Variants in CLCA4 observed in about 807,000 individuals in gnomAD.
The protein encoded by CLCA4 is calcium-activated chloride channel regulator 4.
Under a neutral mutation model 78.9 loss-of-function variants are expected in CLCA4, and 69 were observed. The ratio of observed to expected loss-of-function variants is 0.87; its 90% CI spans 0.72 to 1.07. The LOEUF is 1.07. Among genes scored for constraint, CLCA4 ranks in the 50% least tolerant of loss-of-function variants. CLCA4 has a pLI of 0.00. For missense variants in CLCA4, 1,133 were observed against 1,095.8 expected (o/e 1.03, Z -0.48); for synonymous variants, 362 against 375.8 (o/e 0.96, Z 0.42).
intron 1 of CLCA4, among the ~76,000 whole-genome samples, chr1:86,551,389 A>G (rs1422111553): frequency 6.6e-6 from 1 of 152,176 alleles, no homozygotes; most frequent in Admixed American, 6.5e-5. Flanking sequence ...TGTATCCACA[A>G]AAGAAAACAA....
Position 86,579,955 on chromosome 1 carries a change from CATAAGA to C in CLCA4, c.2376_2381del (p.Arg792_Ile793del), listed in dbSNP as rs761293576. 4.6e-5 allele frequency: 73 copies of C among 1,582,468 alleles called. No homozygotes were observed. Among genetic ancestry groups the C allele is most frequent in the Non-Finnish European group, 5.6e-5 (65 of 1,163,286 alleles). ...TTTTTTTCTCAGTTCAACGTTATATCATAAGAATAAGTGCAAGTATTCTTGATCTAA... is the reference window on the plus strand; with the variant it reads ...TTTTTTTCTCAGTTCAACGTTATATCATAAGTGCAAGTATTCTTGATCTAA... On this transcript the variant is annotated inframe_deletion, in exon 14 of 14. Transcript: ENST00000370563.
intron 7 of CLCA4, 51 bp downstream of exon 7, chr1:86,567,702 T>A (rs374518813): frequency 2.1e-5 from 31 of 1,463,068 alleles, no homozygotes; most frequent in Non-Finnish European, 2.9e-5. Context: ...TTTCAGGACA[T>A]TTTCATGTTA....
chr1:86,562,651 G>A lies in CLCA4; in HGVS notation c.449-1010G>A, dbSNP rs1444488850. Reference sequence around the variant, plus strand: ...GGGCAGATCACGAGGTCAGGAGTTCGACACCAGCCTGGCCAACGTGGTGAA... The same window carrying A: ...GGGCAGATCACGAGGTCAGGAGTTCAACACCAGCCTGGCCAACGTGGTGAA... On this transcript the variant is annotated intron_variant, in intron 3 of 13. Transcript: ENST00000370563. Among the ~76,000 whole-genome samples the A allele has an allele frequency of 3.3e-5, 5 of 151,830 alleles. 1 individual carries two copies. The highest frequency in any genetic ancestry group is 7.4e-5 in the Non-Finnish European group (5 of 67,852).
intron 8 of CLCA4, among the ~76,000 whole-genome samples, chr1:86,572,271 A>G (rs1039277115): frequency 2.0e-5 from 3 of 152,082 alleles, no homozygotes; most frequent in Non-Finnish European, 4.4e-5. Flanking sequence ...TGGCTGAAAT[A>G]TCTGAAAGTC....
At position 86,559,970 on chromosome 1, in the gene CLCA4, C is replaced by T; in HGVS notation, c.198C>T (p.Ala66=). ...VTTASTYLFE[A]TEKRFFFKNV... ...CAGCTTCTACGTACCTGTTTGAAGC[C>T]ACAGAAAAAAGATTTTTTTTCAAAA... is the stretch of plus-strand genomic sequence containing the variant. Residue 66 remains alanine (A), a synonymous_variant, in exon 2 of 14, where the codon GCC becomes GCT. Coordinates refer to ENST00000370563, the MANE Select transcript of CLCA4 (RefSeq NM_012128.4). The T allele has an allele frequency of 6.2e-7, 1 of 1,603,782 alleles. No homozygotes were observed. The highest frequency in any genetic ancestry group is 1.3e-5 in the African/African-American group (1 of 74,338).
At position 86,574,620 on chromosome 1, in the gene CLCA4, CA is replaced by C; in HGVS notation, c.1549del (p.Thr517ArgfsTer23). The C allele has an allele frequency of 6.2e-7, 1 of 1,613,186 alleles. No homozygotes were observed. The highest frequency in any genetic ancestry group is 1.3e-5 in the African/African-American group (1 of 74,988). ...TAATTGATAGTACAGTGGGAAAGGA[CA>C]CGTTCTTTCTCATCACATGGAACAG... is the stretch of plus-strand genomic sequence containing the variant. ...VIIDSTVGKD[T>X]FFLITWNSLP... On this transcript the variant is annotated frameshift_variant, in exon 10 of 14. Coordinates refer to ENST00000370563, the MANE Select transcript of CLCA4 (RefSeq NM_012128.4). LOFTEE classifies it high-confidence loss of function.
chr1:86,568,561 A>C (rs1000372816), intron 7 of CLCA4, among the ~76,000 whole-genome samples: 5 of 151,782 alleles, frequency 3.3e-5, no homozygotes, highest in African/African-American at 1.2e-4. Context: ...TCTCAGTCTG[A>C]TATTACTAAA....
chr1:86,563,852 CT>C, intron 4 of CLCA4, 83 bp downstream of exon 4: 1 of 713,140 alleles, frequency 1.4e-6, no homozygotes. Flanking sequence ...CAAAATCATT[CT>C]TAATGCAGAC....
At chr1:86,558,830 G>A (rs1216944381) in intron 1 of CLCA4, among the ~76,000 whole-genome samples, 1 of 152,142 alleles carries the variant, frequency 6.6e-6, no homozygotes, top group Non-Finnish European at 1.5e-5. Context: ...TACAATTCAA[G>A]ATAAGATTTG....
At position 86,547,326 on chromosome 1, in the gene CLCA4, T is replaced by C. The variant is rs761833495; in HGVS notation, c.159+48T>C. On this transcript the variant is annotated intron_variant, in intron 1 of 13. Transcript: ENST00000370563. ...TTCATTAATTTTTAGTTTTTTACTA[T>C]TATTTTTAATTGACATATAATTGTA... The C allele has an allele frequency of 2.2e-6, 3 of 1,361,792 alleles. No homozygotes were observed. In the South Asian group the frequency reaches 4.5e-5, roughly 20 times the overall value. The allele number at this position is 1,361,792 out of a possible 1,614,324, so 84.4% of individuals were successfully genotyped here.
chr1:86,570,051 A>G (rs563765103), intron 7 of CLCA4, among the ~76,000 whole-genome samples: 2 of 152,174 alleles, frequency 1.3e-5, no homozygotes, highest in South Asian at 4.1e-4. Context: ...GTTTCAAGGC[A>G]TGTCAGAGAA....
chr1:86,567,481 G>T lies in CLCA4; in HGVS notation c.1012G>T (p.Val338Phe). 6.2e-7 allele frequency: 1 copy of T among 1,613,306 alleles called. No individual in the cohort carries two copies. Among genetic ancestry groups the T allele is most frequent in the Non-Finnish European group, 8.5e-7 (1 of 1,179,456 alleles). Residue 338 changes from valine (V) to phenylalanine (F), a missense_variant, in exon 7 of 14, where the codon GTT (valine) becomes TTT (phenylalanine). Coordinates refer to ENST00000370563, the MANE Select transcript of CLCA4 (RefSeq NM_012128.4). ...QAAKHFLLQT[V>F]ENGSWVGMVH... ...AGCAAAACATTTCCTGCTGCAGACT[G>T]TTGAAAATGGATCCTGGGTGGGGAT...
Position 86,579,364 on chromosome 1 carries a change from A to G in CLCA4, c.2133A>G (p.Glu711=). 6.2e-7 allele frequency: 1 copy of G among 1,612,902 alleles called. No homozygotes were observed. Among genetic ancestry groups the G allele is most frequent in the Non-Finnish European group, 8.5e-7 (1 of 1,179,270 alleles). The change falls in exon 13 of 14, where the codon GAA becomes GAG. Residue 711 remains glutamate (E), a synonymous_variant. Transcript: ENST00000370563. ...IPGWVVNGEI[E]ANPPRPEIDE... ...AAATGTTTAATGCAGGGGAAATTGA[A>G]GCAAACCCGCCAAGACCTGAAATTG...
At chr1:86,552,668 G>A in intron 1 of CLCA4, 2 of 909,602 alleles carry the variant, frequency 2.2e-6, no homozygotes, top group Admixed American at 1.9e-5. Flanking sequence ...GCCCAGATCG[G>A]ACTTGCAGAT....
intron 10 of CLCA4, 46 bp from the exon 11 acceptor site, chr1:86,575,286 G>C: frequency 3.4e-6 from 5 of 1,466,528 alleles, no homozygotes; most frequent in Non-Finnish European, 4.7e-6. Context: ...AATATAGAAA[G>C]TAGCTTGACT....
chr1:86,563,615 C>T (rs371152200), intron 3 of CLCA4, 46 bp from the exon 4 acceptor site: 74 of 920,890 alleles, frequency 8.0e-5, no homozygotes, highest in Middle Eastern at 2.2e-4. Flanking sequence ...TGATACAAAA[C>T]GTGTCACTTG....
intron 1 of CLCA4, chr1:86,552,683 C>G: frequency 9.5e-7 from 1 of 1,048,656 alleles, no homozygotes; most frequent in East Asian, 2.4e-5. Flanking sequence ...GCAGATGGAG[C>G]TGGGGCACGG....
At chr1:86,570,300 T>C (rs1650312082) in intron 7 of CLCA4, among the ~76,000 whole-genome samples, 1 of 151,954 alleles carries the variant, frequency 6.6e-6, no homozygotes, top group Non-Finnish European at 1.5e-5. Context: ...TGCTCCAAGA[T>C]GCCACCACCA....
chr1:86,579,381 C>T lies in CLCA4; in HGVS notation c.2150C>T (p.Pro717Leu). The change falls in exon 13 of 14, where the codon CCT becomes CTT. Residue 717 changes from proline (P) to leucine (L), a missense_variant. By Grantham distance (98) the Pro-to-Leu change is moderately conservative. Transcript: ENST00000370563. Reference protein sequence around the residue: ...NGEIEANPPRPEIDEDTQTTL... With the variant: ...NGEIEANPPRLEIDEDTQTTL... ...GAAATTGAAGCAAACCCGCCAAGACCTGAAATTGATGAGGATACTCAGACC... is the reference window on the plus strand; with the variant it reads ...GAAATTGAAGCAAACCCGCCAAGACTTGAAATTGATGAGGATACTCAGACC... The T allele has an allele frequency of 6.2e-7, 1 of 1,613,052 alleles. No homozygotes were observed. The highest frequency in any genetic ancestry group is 8.5e-7 in the Non-Finnish European group (1 of 1,179,420).
Sources: gnomAD v4.1 joint callset for allele counts (sites outside exome capture counted in the v4.1 genomes callset) on GRCh38, gnomAD v4.1.1 for gene constraint, MANE v1.5 for transcripts, NCBI Gene and HGNC (gene_info 2026-07-23, HGNC 2026-07-21) for gene names.